The following RGS13 variants were observed in gnomAD, a reference collection of about 807,000 sequenced individuals.
RGS13 encodes regulator of G-protein signalling 13.
Under a neutral mutation model 19.9 loss-of-function variants are expected in RGS13, and 14 were observed. The ratio of observed to expected loss-of-function variants is 0.70; its 90% CI spans 0.46 to 1.10. The LOEUF is 1.10. Among genes scored for constraint, RGS13 ranks in the 50% least tolerant of loss-of-function variants. RGS13 has a pLI of 0.00. For missense variants in RGS13, 205 were observed against 187.1 expected (o/e 1.10, Z -0.56); for synonymous variants, 60 against 56.8 (o/e 1.06, Z -0.25).
chr1:192,650,114 C>G (rs1196405600), intron 5 of RGS13, among the ~76,000 whole-genome samples: 1 of 151,932 alleles, frequency 6.6e-6, no homozygotes, highest in Non-Finnish European at 1.5e-5. Flanking sequence ...GTCCTGGAAG[C>G]CTTATTAAAA....
rs1663179812 is a variant in RGS13 at position 192,644,402 on chromosome 1, A to C, written c.65+3A>C. 6.2e-7 allele frequency: 1 copy of C among 1,603,220 alleles called. No individual in the cohort carries two copies. Among genetic ancestry groups the C allele is most frequent in the Non-Finnish European group, 8.5e-7 (1 of 1,171,208 alleles). On this transcript the variant is annotated splice_donor_region_variant and intron_variant, in intron 4 of 6. Coordinates refer to ENST00000391995, the MANE Select transcript of RGS13 (RefSeq NM_002927.5). ...GAATCTAAGAGGCCCCCTTCAAAGT[A>C]AGTAGCATTTAAGTTTCTATGGTAA...
At chr1:192,644,875 T>C (rs993898995) in intron 4 of RGS13, 1 of 153,008 alleles carries the variant, frequency 6.5e-6, no homozygotes, top group African/African-American at 2.4e-5. Flanking sequence ...AAAAGAATAA[T>C]GCCTGAGAAA....
At chr1:192,640,887 A>T (rs1022984227) in intron 3 of RGS13, among the ~76,000 whole-genome samples, 1 of 152,120 alleles carries the variant, frequency 6.6e-6, no homozygotes, top group Non-Finnish European at 1.5e-5. Context: ...AGGAACCTGA[A>T]ATTCTATTGG....
intron 3 of RGS13, among the ~76,000 whole-genome samples, chr1:192,638,734 C>T (rs1189641708): frequency 6.6e-6 from 1 of 152,046 alleles, no homozygotes; most frequent in African/African-American, 2.4e-5. Context: ...CATAACAACT[C>T]TTAGGGTCTA....
At chr1:192,645,631 G>A (rs1391324525) in intron 4 of RGS13, 1 of 152,076 alleles carries the variant, frequency 6.6e-6, no homozygotes, top group African/African-American at 2.4e-5. Context: ...CATCCGCCCA[G>A]AAGAATGGAG....
chr1:192,648,229 C>T (rs898247524), intron 5 of RGS13, among the ~76,000 whole-genome samples: 3 of 152,116 alleles, frequency 2.0e-5, no homozygotes, highest in African/African-American at 7.2e-5. Flanking sequence ...TGCACAAAAT[C>T]CCTTGGAAAA....
At chr1:192,648,070 G>T (rs1224426927) in intron 5 of RGS13, 83 bp downstream of exon 5, 3 of 923,986 alleles carry the variant, frequency 3.2e-6, no homozygotes, top group Non-Finnish European at 5.0e-6. Context: ...GATGATGAAT[G>T]TATGCTATTC....
At chr1:192,644,590 C>T (rs1486152751) in intron 4 of RGS13, 191 bp downstream of exon 4, 1 of 519,570 alleles carries the variant, frequency 1.9e-6, no homozygotes, top group Non-Finnish European at 3.5e-6. Context: ...TCATGGTTTA[C>T]ACTTGAGAAT....
chr1:192,649,294 C>T (rs1663294281), intron 5 of RGS13, among the ~76,000 whole-genome samples: 1 of 152,086 alleles, frequency 6.6e-6, no homozygotes, highest in Non-Finnish European at 1.5e-5. Context: ...GATGAAGAGA[C>T]AAAAGTGCAT....
intron 5 of RGS13, among the ~76,000 whole-genome samples, chr1:192,657,276 G>A (rs985194421): frequency 6.6e-5 from 10 of 150,942 alleles, no homozygotes; most frequent in South Asian, 2.1e-4. Context: ...TTGGATATGC[G>A]AAGAGAATTT....
At chr1:192,658,128 T>G in intron 5 of RGS13, 73 bp from the exon 6 acceptor site, 1 of 1,086,390 alleles carries the variant, frequency 9.2e-7, no homozygotes, top group Non-Finnish European at 1.3e-6. Context: ...CAGGCTTTTT[T>G]TTAACTGTAT....
intron 1 of RGS13, among the ~76,000 whole-genome samples, chr1:192,637,141 C>T (rs1180875184): frequency 6.6e-6 from 1 of 151,778 alleles, no homozygotes. Context: ...TAGATTCTAT[C>T]GGTGAAATGT....
At chr1:192,654,764 T>C (rs1663405137) in intron 5 of RGS13, among the ~76,000 whole-genome samples, 1 of 152,044 alleles carries the variant, frequency 6.6e-6, no homozygotes, top group Admixed American at 6.6e-5. Flanking sequence ...TCAAGAACAC[T>C]GGCATGTGTC....
At chr1:192,642,390 C>T (rs574419528) in intron 3 of RGS13, among the ~76,000 whole-genome samples, 12 of 150,182 alleles carry the variant, frequency 8.0e-5, no homozygotes, top group South Asian at 4.2e-4. Context: ...GGTGTGATCA[C>T]GGCACACTGC....
rs1312658045 is a variant in RGS13 at position 192,641,270 on chromosome 1, G to GA, written c.-4-3058dup. Among the ~76,000 whole-genome samples, 10 of 96,876 alleles carry GA rather than the reference G, an allele frequency of 1.0e-4. No individual in the cohort carries two copies. The South Asian group carries it at 2.6e-3, about 26-fold the overall frequency. 63.6% of individuals were successfully genotyped at this position (96,876 alleles called of 152,430 possible). A position where few individuals can be genotyped will look rare whatever the true frequency, so the allele number is the denominator to read the frequency against. On this transcript the variant is annotated intron_variant, in intron 3 of 6. Coordinates refer to ENST00000391995, the MANE Select transcript of RGS13 (RefSeq NM_002927.5). The stretch of plus-strand genomic sequence containing the variant: ...AAAAGAAAGAAAAGAAAGAAAGAAA[G>GA]AAAGAAAGAAAGAAAGAAAGAAAGA...
intron 5 of RGS13, among the ~76,000 whole-genome samples, chr1:192,651,417 A>G (rs1334064173): frequency 6.6e-6 from 1 of 152,100 alleles, no homozygotes; most frequent in African/African-American, 2.4e-5. Context: ...AAAAAAGCAG[A>G]GACTGGAAGC....
rs35214184 is a variant in RGS13, at chr1:192,641,222, GAGAAAGAA to G, written c.-5+3037_-5+3044del. 3.5e-4 allele frequency among the ~76,000 whole-genome samples: 23 copies of G among 64,922 alleles called. 1 individual carries two copies. The East Asian group carries it at 7.7e-3, about 22-fold the overall frequency. 42.6% of individuals were successfully genotyped at this position (64,922 alleles called of 152,430 possible). A position where few individuals can be genotyped will look rare whatever the true frequency, so the allele number is the denominator to read the frequency against. ...AAAAAAGGAAAGAAAGAAAGAAAGA[GAGAAAGAA>G]AGAAAGAAAGAAAGAAAAGAAAGAA... On this transcript the variant is annotated intron_variant, in intron 3 of 6. Transcript: ENST00000391995.
chr1:192,644,214 T>C (rs1447385250), intron 3 of RGS13, 117 bp from the exon 4 acceptor site: 1 of 673,656 alleles, frequency 1.5e-6, no homozygotes, highest in Admixed American at 3.1e-5. Context: ...TCCATTAACT[T>C]CAAGAGCCCA....
At chr1:192,646,112 T>G (rs1378530596) in intron 4 of RGS13, 1 of 152,164 alleles carries the variant, frequency 6.6e-6, no homozygotes, top group Non-Finnish European at 1.5e-5. Flanking sequence ...CATGGAAATG[T>G]TTTTTGAAAG....
Sources: allele counts gnomAD v4.1 joint callset (sites outside exome capture counted in the v4.1 genomes callset), GRCh38; gene constraint gnomAD v4.1.1; transcripts MANE v1.5; gene names NCBI Gene and HGNC (gene_info 2026-07-23, HGNC 2026-07-21).